The following DOCK3 variants were observed in gnomAD, a reference collection of about 807,000 sequenced individuals.
DOCK3 encodes dedicator of cytokinesis 3, also known as dedicator of cytokinesis protein 3.
A neutral mutation model predicts 265.6 loss-of-function variants in DOCK3; 60 were observed. The observed-to-expected ratio is 0.23, with a 90% confidence interval of 0.18 to 0.28. The LOEUF is 0.28. Among genes scored for constraint, DOCK3 ranks in the 10% least tolerant of loss-of-function variants. DOCK3 has a pLI of 1.00. For missense variants in DOCK3, 1,981 were observed against 2,594.3 expected (o/e 0.76, Z 5.14); for synonymous variants, 881 against 938.0 (o/e 0.94, Z 1.11).
At chr3:50,874,534 A>G (rs2107608060) in intron 3 of DOCK3, among the ~76,000 whole-genome samples, 1 of 150,954 alleles carries the variant, frequency 6.6e-6, no homozygotes, top group Admixed American at 6.6e-5. Context: ...AAAAAACAAA[A>G]AAAGTATAGG....
intron 5 of DOCK3, among the ~76,000 whole-genome samples, chr3:50,980,800 T>C (rs752905348): frequency 2.6e-5 from 4 of 152,198 alleles, no homozygotes; most frequent in Non-Finnish European, 4.4e-5. Context: ...TCAGCTATAA[T>C]ATCTCCTTTT....
At chr3:50,922,993 A>T (rs1258597008) in intron 4 of DOCK3, among the ~76,000 whole-genome samples, 1 of 151,906 alleles carries the variant, frequency 6.6e-6, no homozygotes, top group Non-Finnish European at 1.5e-5. Context: ...GCTTAGTCCC[A>T]CTTATGAATG....
intron 19 of DOCK3, among the ~76,000 whole-genome samples, chr3:51,233,569 G>A (rs780962963): frequency 7.2e-5 from 11 of 151,804 alleles, no homozygotes; most frequent in East Asian, 3.9e-4. Context: ...AGGTTTCACC[G>A]TGTTAGTCAG....
At chr3:51,006,169 G>A (rs529468413) in intron 5 of DOCK3, among the ~76,000 whole-genome samples, 16 of 151,280 alleles carry the variant, frequency 1.1e-4, no homozygotes, top group South Asian at 4.2e-4. Flanking sequence ...GTCTCTGCTC[G>A]TGTTACAGTC....
rs975512001 is a variant in DOCK3, at chr3:50,803,819, G to A, written c.121+25061G>A. Among the ~76,000 whole-genome samples, 21 of 151,618 alleles carry A rather than the reference G, an allele frequency of 1.4e-4. 1 individual carries two copies. Among genetic ancestry groups the A allele is most frequent in the Non-Finnish European group, 3.0e-4 (20 of 67,780 alleles). ...GCCCCCCACCTCCCTCCTGGAAGGG[G>A]CAGCTGGCCGGGTTGGGGCTGCCCC... On this transcript the variant is annotated intron_variant, in intron 2 of 52. Coordinates refer to ENST00000266037, the MANE Select transcript of DOCK3 (RefSeq NM_004947.5).
chr3:51,312,770 G>C, intron 30 of DOCK3, 74 bp from the exon 31 acceptor site: 1 of 1,471,428 alleles, frequency 6.8e-7, no homozygotes, highest in East Asian at 2.4e-5. Flanking sequence ...TGAAGTCCTG[G>C]CCTCATGGGT....
intron 4 of DOCK3, among the ~76,000 whole-genome samples, chr3:50,892,480 T>C (rs984510190): frequency 6.6e-6 from 1 of 152,086 alleles, no homozygotes; most frequent in Non-Finnish European, 1.5e-5. Flanking sequence ...ACTCTTACCT[T>C]TGTCAGTCCC....
intron 5 of DOCK3, among the ~76,000 whole-genome samples, chr3:50,993,686 C>T (rs992592557): frequency 3.3e-5 from 5 of 152,226 alleles, no homozygotes; most frequent in African/African-American, 1.2e-4. Context: ...TGCTTTCATT[C>T]TGATCTGTCA....
intron 39 of DOCK3, among the ~76,000 whole-genome samples, chr3:51,349,238 C>G (rs539404051): frequency 6.6e-6 from 1 of 152,104 alleles, no homozygotes; most frequent in African/African-American, 2.4e-5. Flanking sequence ...AGAAGCTTTT[C>G]CTGGAATGGT....
At chr3:50,848,432 C>T (rs887728769) in intron 3 of DOCK3, among the ~76,000 whole-genome samples, 7 of 152,198 alleles carry the variant, frequency 4.6e-5, no homozygotes, top group Admixed American at 3.3e-4. Flanking sequence ...AGGTATCGCT[C>T]TTTTTGTTTC....
At chr3:50,898,202 C>T (rs2048985881) in intron 4 of DOCK3, among the ~76,000 whole-genome samples, 1 of 150,428 alleles carries the variant, frequency 6.6e-6, no homozygotes. Context: ...CTGGTTTAGT[C>T]TTGGGAGGGT....
intron 5 of DOCK3, among the ~76,000 whole-genome samples, chr3:50,988,795 T>C (rs2077996605): frequency 6.6e-6 from 1 of 151,988 alleles, no homozygotes; most frequent in Non-Finnish European, 1.5e-5. Context: ...GGCCAGACTG[T>C]TATGTGGTCA....
Position 51,275,150 on chromosome 3 carries a change from C to T in DOCK3, c.2620C>T (p.Leu874=), listed in dbSNP as rs945003927. The T allele has an allele frequency of 6.2e-7, 1 of 1,614,026 alleles. No homozygotes were observed. The highest frequency in any genetic ancestry group is 8.5e-7 in the Non-Finnish European group (1 of 1,179,900). Residue 874 remains leucine (L), a synonymous_variant, in exon 25 of 53, where the codon CTA becomes TTA. Transcript: ENST00000266037. The stretch of plus-strand genomic sequence containing the variant: ...TCACCTGAGGCAGCAGAAAGAGCTG[C>T]TAATTTGCTCAGGGATTCTTGGCAG... The part of the protein sequence containing the change: ...HLHLRQQKEL[L]ICSGILGSIF...
rs774874659 is a variant in DOCK3 at position 51,208,899 on chromosome 3, A to G, written c.1126+37A>G. 14 of 1,567,536 alleles carry G rather than the reference A, an allele frequency of 8.9e-6. No individual in the cohort carries two copies. In the South Asian group the frequency reaches 1.0e-4, roughly 12 times the overall value. Reference sequence around the variant, plus strand: ...CTCTGACTAGAACATTTTGTGTTACATTTGTAGTTGCTACTCATACAGCAC... The same window carrying G: ...CTCTGACTAGAACATTTTGTGTTACGTTTGTAGTTGCTACTCATACAGCAC... On this transcript the variant is annotated intron_variant, in intron 13 of 52. Transcript: ENST00000266037.
chr3:50,964,363 A>G (rs776927227), intron 5 of DOCK3, among the ~76,000 whole-genome samples: 2 of 152,200 alleles, frequency 1.3e-5, no homozygotes, highest in African/African-American at 4.8e-5. Flanking sequence ...CCAAACAATG[A>G]TGTTAAAGTG....
intron 5 of DOCK3, among the ~76,000 whole-genome samples, chr3:51,063,400 T>C (rs1459848209): frequency 2.6e-5 from 4 of 152,190 alleles, no homozygotes; most frequent in Admixed American, 2.6e-4. Context: ...CTAAGTAGTA[T>C]GATATTCTGA....
intron 4 of DOCK3, among the ~76,000 whole-genome samples, chr3:50,925,144 A>C (rs747375376): frequency 6.6e-6 from 1 of 152,138 alleles, no homozygotes; most frequent in Non-Finnish European, 1.5e-5. Context: ...CATGAATTCA[A>C]CTGATCTTGT....
intron 9 of DOCK3, among the ~76,000 whole-genome samples, chr3:51,103,434 A>G (rs1268059997): frequency 6.6e-6 from 1 of 152,248 alleles, no homozygotes; most frequent in African/African-American, 2.4e-5. Flanking sequence ...CTGTTTATTC[A>G]ACAAAAATCA....
At chr3:51,028,795 GT>G (rs1170198993) in intron 5 of DOCK3, among the ~76,000 whole-genome samples, 1 of 151,908 alleles carries the variant, frequency 6.6e-6, no homozygotes, top group African/African-American at 2.4e-5. Flanking sequence ...ATATAGCTAT[GT>G]TGTCTTTCAT....
Sources: allele counts gnomAD v4.1 joint callset (sites outside exome capture counted in the v4.1 genomes callset), GRCh38; gene constraint gnomAD v4.1.1; transcripts MANE v1.5; gene names NCBI Gene and HGNC (gene_info 2026-07-23, HGNC 2026-07-21).